The following EIF4G3 variants were observed in gnomAD, a reference collection of about 807,000 sequenced individuals.
EIF4G3 encodes eIF-4-gamma 3.
A neutral mutation model predicts 186.4 loss-of-function variants in EIF4G3; 34 were observed. The ratio of observed to expected loss-of-function variants is 0.18; its 90% CI spans 0.14 to 0.24. The LOEUF (loss-of-function observed/expected upper bound fraction) is 0.24, where lower values mean the gene tolerates loss of function less well. EIF4G3 is among the 10% of genes least tolerant of loss of function. The pLI, the probability that EIF4G3 is intolerant of heterozygous loss-of-function variation, is 1.00. For synonymous variants in EIF4G3, 673 were observed against 679.5 expected, an observed-to-expected ratio of 0.99 and a Z score of 0.15; for missense variants, 1,536 against 1,948.5, an observed-to-expected ratio of 0.79 and a Z score of 3.99.
intron 14 of EIF4G3, among the ~76,000 whole-genome samples, chr1:20,927,661 G>C (rs1470867633): frequency 1.3e-5 from 2 of 152,166 alleles, no homozygotes; most frequent in African/African-American, 4.8e-5. Context: ...AGAGTTGAAG[G>C]AAGAGTTACA....
At chr1:20,873,998 C>T (rs1261511360) in intron 20 of EIF4G3, among the ~76,000 whole-genome samples, 2 of 152,094 alleles carry the variant, frequency 1.3e-5, no homozygotes, top group African/African-American at 2.4e-5. Context: ...GCTTCATCCA[C>T]GTCCCTGAAA....
At chr1:21,117,593 A>G (rs532581087) in intron 2 of EIF4G3, among the ~76,000 whole-genome samples, 18 of 152,074 alleles carry the variant, frequency 1.2e-4, no homozygotes, top group Middle Eastern at 3.4e-3. Flanking sequence ...AGTATGAATA[A>G]TAAGACTGAG....
chr1:21,063,285 G>A (rs1213548127), intron 3 of EIF4G3, among the ~76,000 whole-genome samples: 1 of 152,136 alleles, frequency 6.6e-6, no homozygotes, highest in East Asian at 1.9e-4. Flanking sequence ...GAATCTGGAA[G>A]GGTTTGGTGG....
At chr1:20,821,526 T>C (rs768797243) in intron 33 of EIF4G3, among the ~76,000 whole-genome samples, 28 of 152,218 alleles carry the variant, frequency 1.8e-4, no homozygotes, top group African/African-American at 2.9e-4. Flanking sequence ...AGTGGAGGGA[T>C]TGAATCCTGG....
intron 2 of EIF4G3, among the ~76,000 whole-genome samples, chr1:21,095,347 G>T (rs1247941071): frequency 6.6e-6 from 1 of 152,092 alleles, no homozygotes; most frequent in African/African-American, 2.4e-5. Context: ...CATTATATTA[G>T]ATTTTGTTTT....
chr1:21,008,425 C>T (rs573308381), intron 4 of EIF4G3, among the ~76,000 whole-genome samples: 1 of 152,138 alleles, frequency 6.6e-6, no homozygotes, highest in South Asian at 2.1e-4. Flanking sequence ...CAACCTCCCC[C>T]TCCTGGGTCC....
chr1:21,081,158 C>A (rs972533496), intron 3 of EIF4G3, among the ~76,000 whole-genome samples: 2 of 152,194 alleles, frequency 1.3e-5, no homozygotes, highest in Non-Finnish European at 2.9e-5. Flanking sequence ...TTGGGCTGGG[C>A]GTGGTGGCTC....
At chr1:21,005,627 A>G (rs754924719) in intron 4 of EIF4G3, among the ~76,000 whole-genome samples, 1 of 152,194 alleles carries the variant, frequency 6.6e-6, no homozygotes, top group Non-Finnish European at 1.5e-5. Context: ...CAAGCCAAAT[A>G]AGGGAACATA....
chr1:20,935,103 C>G (rs2095476468), intron 14 of EIF4G3, among the ~76,000 whole-genome samples: 2 of 152,050 alleles, frequency 1.3e-5, no homozygotes, highest in Non-Finnish European at 2.9e-5. Flanking sequence ...ACCTAGGTCA[C>G]AAGCATAAAG....
At chr1:20,914,523 A>T (rs1388117523) in intron 14 of EIF4G3, among the ~76,000 whole-genome samples, 1 of 152,154 alleles carries the variant, frequency 6.6e-6, no homozygotes, top group Non-Finnish European at 1.5e-5. Context: ...GGAGTCACAG[A>T]CCTGATGACA....
chr1:20,901,700 G>T (rs893034486), intron 15 of EIF4G3, among the ~76,000 whole-genome samples: 10 of 151,794 alleles, frequency 6.6e-5, no homozygotes, highest in Middle Eastern at 3.4e-3. Context: ...TACTATGAGG[G>T]GTATTTGAAG....
rs1309131335 is a variant in EIF4G3 at position 21,109,283 on chromosome 1, C to T, written c.-271-20070G>A. ...GCCCTGCTCATGATGTTTATTTTTC[C>T]ACTATTTTATGTCTTGCTTTATTCC... On this transcript the variant is annotated intron_variant, in intron 2 of 36. Coordinates refer to ENST00000602326, the MANE Select transcript of EIF4G3 (RefSeq NM_001391906.1). Among the ~76,000 whole-genome samples, 4 of 152,096 alleles carry T rather than the reference C, an allele frequency of 2.6e-5. No homozygotes were observed. In the East Asian group the frequency reaches 7.7e-4, roughly 29 times the overall value.
chr1:21,018,636 C>G (rs1412970106), intron 4 of EIF4G3, among the ~76,000 whole-genome samples: 1 of 152,044 alleles, frequency 6.6e-6, no homozygotes. Context: ...AATGTGACCC[C>G]CAATGTTGGA....
rs1450353052 is a variant in EIF4G3, at chr1:20,973,059, T to C, written c.534A>G (p.Ala178=). ...FYPSQPVYQS[A]PIIVPTQQQP... is the part of the protein sequence containing the mutation. ...GTTGCTGCGTAGGCACTATGATAGG[T>C]GCTGACTGATACACCGGCTGACTTG... Residue 178 remains alanine (A), a synonymous_variant, in exon 11 of 37, where the codon GCA becomes GCG. Transcript: ENST00000602326. 6.2e-7 allele frequency: 1 copy of C among 1,611,380 alleles called. No individual in the cohort carries two copies.
At chr1:20,895,234 T>G (rs1177019053) in intron 17 of EIF4G3, 134 bp downstream of exon 17, 2 of 1,058,928 alleles carry the variant, frequency 1.9e-6, no homozygotes, top group African/African-American at 1.6e-5. Flanking sequence ...GGAAACAAAT[T>G]CTTAAACATT....
At chr1:20,862,474 A>G in intron 22 of EIF4G3, 142 bp from the exon 23 acceptor site, 16 of 553,034 alleles carry the variant, frequency 2.9e-5, no homozygotes, top group South Asian at 5.1e-5. Context: ...GGAGTGCAGT[A>G]GCACAATCAC....
chr1:20,838,966 CA>C (rs1471107439), intron 30 of EIF4G3, among the ~76,000 whole-genome samples: 4 of 151,990 alleles, frequency 2.6e-5, no homozygotes, highest in Non-Finnish European at 5.9e-5. Flanking sequence ...TGTGAGCCAC[CA>C]TGCCCAGCCT....
chr1:21,136,206 A>G (rs1288581126), intron 2 of EIF4G3, among the ~76,000 whole-genome samples: 6 of 134,188 alleles, frequency 4.5e-5, no homozygotes, highest in East Asian at 4.5e-4. Context: ...AAAAGAACAC[A>G]CTCCCTTGCC....
chr1:20,997,527 T>C (rs764979684), intron 7 of EIF4G3, 74 bp downstream of exon 7: 9 of 1,379,612 alleles, frequency 6.5e-6, no homozygotes, highest in Non-Finnish European at 9.1e-6. Flanking sequence ...GATGGCAGCA[T>C]TCTAAGAGTC....
Sources: gnomAD v4.1 joint callset for allele counts (sites outside exome capture counted in the v4.1 genomes callset) on GRCh38, gnomAD v4.1.1 for gene constraint, MANE v1.5 for transcripts, NCBI Gene and HGNC (gene_info 2026-07-23, HGNC 2026-07-21) for gene names.